The following LAMA1 variants were observed in gnomAD, a reference collection of about 807,000 sequenced individuals.
LAMA1 encodes the protein laminin subunit alpha 1.
In LAMA1, 219 loss-of-function variants were observed where a neutral mutation model predicts 348.7. The observed-to-expected ratio is 0.63, with a 90% CI of 0.56 to 0.70. LAMA1 has a LOEUF of 0.70. Ranked by LOEUF, LAMA1 falls within the 30% of genes least tolerant of loss-of-function variation. LAMA1 has a pLI of 0.00. For synonymous variants in LAMA1, 1,487 were observed against 1,491.0 expected (o/e 1.00, Z 0.06); for missense variants, 3,744 against 3,888.0 (o/e 0.96, Z 0.99).
chr18:7,007,371 C>T, intron 28 of LAMA1, 95 bp from the exon 29 acceptor site: 2 of 1,256,576 alleles, frequency 1.6e-6, no homozygotes, highest in Non-Finnish European at 2.2e-6. Flanking sequence ...TACAAATGGC[C>T]AACAGGTATG....
At chr18:7,046,477 T>C in intron 5 of LAMA1, 110 bp from the exon 6 acceptor site, 1 of 643,014 alleles carries the variant, frequency 1.6e-6, no homozygotes, top group Non-Finnish European at 2.8e-6. Context: ...TTATTGGTAA[T>C]CTAAAATATA....
chr18:7,080,005 G>T lies in LAMA1; in HGVS notation c.315C>A (p.His105Gln). 6.2e-7 allele frequency: 1 copy of T among 1,614,054 alleles called. No homozygotes were observed. Among genetic ancestry groups the T allele is most frequent in the Non-Finnish European group, 8.5e-7 (1 of 1,179,888 alleles). Residue 105 changes from histidine to glutamine, a missense_variant, in exon 3 of 63, where the codon CAC becomes CAA. Physicochemically the swap from His to Gln is conservative, Grantham distance 24. This residue lies in a region of LAMA1 where 1,529 missense variants were observed against 1,689.4 expected (regional missense o/e 0.91). Coordinates refer to ENST00000389658, the MANE Select transcript of LAMA1 (RefSeq NM_005559.4). ...TTAAGTCCAGAGTGATTGTGACCCAGTGATATTCTCTCCCATTCTGAATGC... is the reference window on the plus strand; with the variant it reads ...TTAAGTCCAGAGTGATTGTGACCCATTGATATTCTCTCCCATTCTGAATGC... ...SPSIQNGREY[H>Q]WVTITLDLRQ... is the part of the protein sequence containing the mutation.
rs376490196 is a variant in LAMA1 at position 7,099,094 on chromosome 18, T to C, written c.61+18566A>G. Among the ~76,000 whole-genome samples the C allele has an allele frequency of 5.9e-3, 897 of 151,854 alleles. 5 individuals carry two copies. Among genetic ancestry groups the C allele is most frequent in the African/African-American group, 0.013 (552 of 41,434 alleles). On this transcript the variant is annotated intron_variant, in intron 1 of 62. Transcript: ENST00000389658. ...GTGTCTGTGTAGAAAGAAGTAGACA[T>C]GGGAGACTTTTCATTTTGTTCTGTA...
At position 7,032,955 on chromosome 18, in the gene LAMA1, G is replaced by A. The variant is rs1429697687; in HGVS notation, c.2163+29C>T. 6 of 1,528,284 alleles carry A rather than the reference G, an allele frequency of 3.9e-6. No homozygotes were observed. In the African/African-American group the frequency reaches 5.5e-5, roughly 14 times the overall value. The allele number at this position is 1,528,284 out of a possible 1,614,324, so 94.7% of individuals were successfully genotyped here. On this transcript the variant is annotated intron_variant, in intron 15 of 62. Transcript: ENST00000389658. ...GTTTTCCCCTTAGGAAGGAACGAAA[G>A]GAAAAAGACAGGAAGAGAGAAGCGT... is the stretch of plus-strand genomic sequence containing the variant.
rs1396755640 is a variant in LAMA1, at chr18:6,964,705, C to T, written c.7294G>A (p.Asp2432Asn). Reference protein sequence around the residue: ...ASSDLNRLDKDPIYVGGLPRS... With the variant: ...ASSDLNRLDKNPIYVGGLPRS... ...GGTAATCCACCCACATAAATCGGGT[C>T]CTTGTCTAGGCGGTTGAGGTCAGAA... The change falls in exon 51 of 63, where the codon GAC becomes AAC. Residue 2432 changes from aspartate (D) to asparagine (N), a missense_variant. Physicochemically the swap from Asp to Asn is conservative, Grantham distance 23. Coordinates refer to ENST00000389658, the MANE Select transcript of LAMA1 (RefSeq NM_005559.4). 6.2e-7 allele frequency: 1 copy of T among 1,614,092 alleles called. No homozygotes were observed.
intron 16 of LAMA1, among the ~76,000 whole-genome samples, chr18:7,030,510 A>G (rs908434441): frequency 1.3e-5 from 2 of 152,086 alleles, no homozygotes; most frequent in African/African-American, 2.4e-5. Flanking sequence ...TTATCGTGCT[A>G]CTTCTTCATT....
At chr18:7,050,968 A>T in intron 3 of LAMA1, 32 bp from the exon 4 acceptor site, 3 of 1,612,694 alleles carry the variant, frequency 1.9e-6, no homozygotes, top group Non-Finnish European at 2.5e-6. Flanking sequence ...GTCTCAATCC[A>T]GAATCAATAC....
Position 6,973,197 on chromosome 18 carries a change from T to C in LAMA1, c.6634A>G (p.Ile2212Val). The C allele has an allele frequency of 6.2e-7, 1 of 1,614,154 alleles. No homozygotes were observed. Among genetic ancestry groups the C allele is most frequent in the South Asian group, 1.1e-5 (1 of 91,084 alleles). Residue 2212 changes from isoleucine (I) to valine (V), a missense_variant, in exon 47 of 63, where the codon ATT becomes GTT. By Grantham distance (29) the Ile-to-Val change is conservative (BLOSUM62 3). Coordinates refer to ENST00000389658, the MANE Select transcript of LAMA1 (RefSeq NM_005559.4). ...HSIHVARFGNIGSLSVKEMSS... is the reference protein window; with the variant it reads ...HSIHVARFGNVGSLSVKEMSS... ...ATTTCCTTTACACTCAGTGAACCAA[T>C]GTTTCCAAATCTAAGGGTTACAAAG...
At chr18:7,052,668 A>G (rs1052354382) in intron 3 of LAMA1, among the ~76,000 whole-genome samples, 1 of 152,100 alleles carries the variant, frequency 6.6e-6, no homozygotes, top group African/African-American at 2.4e-5. Context: ...CAGAGGTTGC[A>G]GTGAGCTGAG....
intron 19 of LAMA1, among the ~76,000 whole-genome samples, chr18:7,017,653 TTCC>T (rs1406124883): frequency 1.3e-5 from 2 of 152,184 alleles, no homozygotes; most frequent in African/African-American, 2.4e-5. Flanking sequence ...ATTTCATGAC[TTCC>T]TCGACATATT....
chr18:7,024,468 T>C lies in LAMA1; in HGVS notation c.2403-2A>G, dbSNP rs773493906. 3.1e-6 allele frequency: 5 copies of C among 1,612,844 alleles called. No individual in the cohort carries two copies. The highest frequency in any genetic ancestry group is 2.7e-5 in the African/African-American group (2 of 74,894). ...TTGAGGTGGCAGGTGGGGCTGAAAC[T>C]GTCAAAACATTAGAAATGAACAAAA... On this transcript the variant is annotated splice_acceptor_variant, in intron 17 of 62. Coordinates refer to ENST00000389658, the MANE Select transcript of LAMA1 (RefSeq NM_005559.4). LOFTEE classifies it high-confidence loss of function.
At chr18:7,055,574 A>C (rs992318769) in intron 3 of LAMA1, among the ~76,000 whole-genome samples, 1 of 149,516 alleles carries the variant, frequency 6.7e-6, no homozygotes, top group Non-Finnish European at 1.5e-5. Flanking sequence ...CTTGGGTTTT[A>C]TTTCTTTGTT....
chr18:7,015,779 C>T lies in LAMA1; in HGVS notation c.3069G>A (p.Val1023=), dbSNP rs2057884807. The T allele has an allele frequency of 1.9e-6, 3 of 1,614,148 alleles. No individual in the cohort carries two copies. Among genetic ancestry groups the T allele is most frequent in the Non-Finnish European group, 2.5e-6 (3 of 1,180,016 alleles). The change falls in exon 22 of 63, where the codon GTG becomes GTA. Residue 1023 remains valine (V), a synonymous_variant. Transcript: ENST00000389658. ...ECVCPPHTQG[V]KCEECEDGHW... is the part of the protein sequence containing the mutation. ...GCCCATCCTCACATTCTTCACACTT[C>T]ACACCCTGTGTGTGAGGGGGGCAGA... is the stretch of plus-strand genomic sequence containing the variant.
chr18:7,034,471 A>G lies in LAMA1; in HGVS notation c.2051+8T>C, dbSNP rs924386758. The stretch of plus-strand genomic sequence containing the variant: ...ACCGTAAGTTTTTCCTCCATTTTCA[A>G]TACATACCTGTAAAGAGCCATTTTT... On this transcript the variant is annotated splice_region_variant and intron_variant, in intron 14 of 62. Transcript: ENST00000389658. 6.2e-7 allele frequency: 1 copy of G among 1,610,586 alleles called. No homozygotes were observed. The highest frequency in any genetic ancestry group is 8.5e-7 in the Non-Finnish European group (1 of 1,176,790).
At chr18:7,030,497 A>C (rs927973144) in intron 16 of LAMA1, among the ~76,000 whole-genome samples, 10 of 152,124 alleles carry the variant, frequency 6.6e-5, no homozygotes, top group Admixed American at 5.2e-4. Context: ...GGTGTAGTTC[A>C]TCTTATCGTG....
intron 20 of LAMA1, 51 bp from the exon 21 acceptor site, chr18:7,016,722 T>C (rs751452495): frequency 2.4e-5 from 36 of 1,471,944 alleles, no homozygotes; most frequent in South Asian, 4.9e-5. Flanking sequence ...TTTTAATAAA[T>C]GACTCCTCAT....
In LAMA1 at chr18:7,026,090, G is replaced by C; in HGVS notation, c.2291C>G (p.Thr764Ser). 1.9e-6 allele frequency: 3 copies of C among 1,611,486 alleles called. No individual in the cohort carries two copies. Among genetic ancestry groups the C allele is most frequent in the Non-Finnish European group, 2.5e-6 (3 of 1,178,738 alleles). ...GCACTGCTCACAGTGGACGCCGGTG[G>C]TGTTGTGCGCACACGCCTAGGAACA... ...HGVCIACAHN[T>S]TGVHCEQCLP... The change falls in exon 17 of 63, where the codon ACC (threonine) becomes AGC (serine). Residue 764 changes from threonine to serine, a missense_variant. Around this residue, in one of 3 missense-constraint regions of LAMA1, gnomAD observed 1,529 missense variants for 1,689.4 expected, o/e 0.91. Transcript: ENST00000389658.
intron 1 of LAMA1, among the ~76,000 whole-genome samples, chr18:7,105,277 C>A (rs1166655720): frequency 6.6e-6 from 1 of 151,646 alleles, no homozygotes; most frequent in Non-Finnish European, 1.5e-5. Flanking sequence ...CTCATCTCTA[C>A]AAAAATACAA....
chr18:7,016,685 G>A lies in LAMA1; in HGVS notation c.2809-14C>T, dbSNP rs185918750. 5.0e-6 allele frequency: 8 copies of A among 1,606,070 alleles called. No homozygotes were observed. The highest frequency in any genetic ancestry group is 6.8e-6 in the Non-Finnish European group (8 of 1,176,272). On this transcript the variant is annotated splice_polypyrimidine_tract_variant and intron_variant, in intron 20 of 62. Coordinates refer to ENST00000389658, the MANE Select transcript of LAMA1 (RefSeq NM_005559.4). ...ATAATAGCCATGCTGTTTCACCAAA[G>A]GGGGAGAAAGTGGAAACCAACATAC...
Sources: gnomAD v4.1 joint callset for allele counts (sites outside exome capture counted in the v4.1 genomes callset) on GRCh38, gnomAD v4.1.1 for gene constraint, gnomAD v4.1.1 regional missense constraint, MANE v1.5 for transcripts, NCBI Gene and HGNC (gene_info 2026-07-23, HGNC 2026-07-21) for gene names.